The following PALM2AKAP2 variants were observed in gnomAD, a reference collection of about 807,000 sequenced individuals.
PALM2AKAP2 encodes PALM2-AKAP2 fusion protein.
A neutral mutation model predicts 71.5 loss-of-function variants in PALM2AKAP2; 37 were observed. That is an observed-to-expected ratio of 0.52 (90% CI 0.40 to 0.68). The LOEUF (loss-of-function observed/expected upper bound fraction) is 0.68, where lower values mean the gene tolerates loss of function less well. Ranked by LOEUF, PALM2AKAP2 falls within the 30% of genes least tolerant of loss-of-function variation. The pLI, the probability that PALM2AKAP2 is intolerant of heterozygous loss-of-function variation, is 0.00. For synonymous variants in PALM2AKAP2, 468 were observed against 478.8 expected (o/e 0.98, Z 0.29); for missense variants, 1,224 against 1,191.8 (o/e 1.03, Z -0.40).
At chr9:110,135,164 A>AAAAAAAAAAAAATATATAT in intron 1 of PALM2AKAP2, among the ~76,000 whole-genome samples, 6 of 51,740 alleles carry the variant, frequency 1.2e-4, no homozygotes, top group African/African-American at 2.9e-4. Flanking sequence ...AAAAAAAAAA[A>AAAAAAAAAAAAATATATAT]ATATATAAAT....
At chr9:109,942,601 CTT>C in intron 6 of PALM2AKAP2, 2 of 1,434,178 alleles carry the variant, frequency 1.4e-6, no homozygotes, top group Non-Finnish European at 1.9e-6. Context: ...GGCACAAAAC[CTT>C]TTTTTTTGTC....
At chr9:109,923,896 T>C (rs1177088345) in intron 4 of PALM2AKAP2, 47 bp downstream of exon 4, 1 of 1,501,120 alleles carries the variant, frequency 6.7e-7, no homozygotes. Context: ...CATGGGGAAG[T>C]AGGGCCTAGC....
chr9:110,136,102 G>T, intron 1 of PALM2AKAP2, 25 bp from the exon 8 acceptor site: 2 of 1,536,904 alleles, frequency 1.3e-6, no homozygotes, highest in South Asian at 2.6e-5. Context: ...ATTTAACCCT[G>T]ACTTTTGTTT....
chr9:109,745,024 C>A (rs1587891672), intron 1 of PALM2AKAP2, among the ~76,000 whole-genome samples: 2 of 152,154 alleles, frequency 1.3e-5, no homozygotes, highest in South Asian at 4.1e-4. Flanking sequence ...GCCCAGGCAC[C>A]AAGCAACTTT....
chr9:109,819,370 A>G (rs1480978883), intron 1 of PALM2AKAP2, among the ~76,000 whole-genome samples: 1 of 152,176 alleles, frequency 6.6e-6, no homozygotes, highest in Non-Finnish European at 1.5e-5. Flanking sequence ...AAGTTGAAAG[A>G]CCCAAATTGA....
At chr9:109,787,729 A>G (rs1035120416) in intron 1 of PALM2AKAP2, among the ~76,000 whole-genome samples, 4 of 152,354 alleles carry the variant, frequency 2.6e-5, no homozygotes, top group East Asian at 1.9e-4. Context: ...GATTTTTAAC[A>G]TGTGAGATCT....
chr9:110,035,915 T>C (rs1160785935), intron 7 of PALM2AKAP2, among the ~76,000 whole-genome samples: 1 of 150,794 alleles, frequency 6.6e-6, no homozygotes. Context: ...ATATATATGA[T>C]ATATATATTG....
chr9:110,057,765 C>T (rs1260541903), intron 1 of PALM2AKAP2, among the ~76,000 whole-genome samples: 3 of 152,148 alleles, frequency 2.0e-5, no homozygotes, highest in Non-Finnish European at 2.9e-5. Flanking sequence ...CATCCAGGAG[C>T]GTGTTAAAAC....
intron 1 of PALM2AKAP2, among the ~76,000 whole-genome samples, chr9:109,734,443 A>G (rs909338767): frequency 6.6e-6 from 1 of 152,232 alleles, no homozygotes; most frequent in Non-Finnish European, 1.5e-5. Context: ...ATTAAATAAT[A>G]TTAAAATTCA....
intron 5 of PALM2AKAP2, among the ~76,000 whole-genome samples, chr9:109,926,271 T>C (rs1001357363): frequency 6.6e-6 from 1 of 152,196 alleles, no homozygotes; most frequent in African/African-American, 2.4e-5. Context: ...AACAAACCTG[T>C]GATTTTTAAT....
At chr9:109,935,777 A>G (rs972981202) in intron 6 of PALM2AKAP2, among the ~76,000 whole-genome samples, 6 of 152,202 alleles carry the variant, frequency 3.9e-5, no homozygotes, top group African/African-American at 1.2e-4. Context: ...GACAAATTCA[A>G]CAAGGGAACT....
chr9:109,875,493 C>T (rs1433472970), intron 2 of PALM2AKAP2, among the ~76,000 whole-genome samples: 1 of 152,170 alleles, frequency 6.6e-6, no homozygotes, highest in Admixed American at 6.5e-5. Context: ...GCCACTGCTC[C>T]TGAGTTGGGG....
intron 1 of PALM2AKAP2, among the ~76,000 whole-genome samples, chr9:109,770,145 G>A (rs1162556512): frequency 6.6e-6 from 1 of 152,188 alleles, no homozygotes; most frequent in African/African-American, 2.4e-5. Flanking sequence ...GGCTGGGTCG[G>A]AGTTGGCCAG....
At chr9:109,684,363 AG>A (rs2118527117) in intron 1 of PALM2AKAP2, among the ~76,000 whole-genome samples, 1 of 152,288 alleles carries the variant, frequency 6.6e-6, no homozygotes, top group South Asian at 2.1e-4. Flanking sequence ...GCCCCACTCT[AG>A]ACCCCTCTGA....
intron 7 of PALM2AKAP2, among the ~76,000 whole-genome samples, chr9:110,031,636 G>A (rs1167865520): frequency 6.6e-6 from 1 of 152,128 alleles, no homozygotes; most frequent in Non-Finnish European, 1.5e-5. Flanking sequence ...GAGAAAACAA[G>A]GTGCAGAGAG....
At chr9:110,023,359 G>C (rs1335350656) in intron 7 of PALM2AKAP2, among the ~76,000 whole-genome samples, 1 of 129,228 alleles carries the variant, frequency 7.7e-6, no homozygotes, top group African/African-American at 3.1e-5. Context: ...TTGTCACCCA[G>C]GCTGGAGTGC....
At chr9:109,755,045 C>T (rs370567012) in intron 1 of PALM2AKAP2, among the ~76,000 whole-genome samples, 1 of 152,156 alleles carries the variant, frequency 6.6e-6, no homozygotes, top group Non-Finnish European at 1.5e-5. Flanking sequence ...TCCTTAGAAC[C>T]TCCACCTCTG....
At chr9:109,957,987 C>T (rs990665043) in intron 6 of PALM2AKAP2, among the ~76,000 whole-genome samples, 5 of 152,152 alleles carry the variant, frequency 3.3e-5, no homozygotes, top group Non-Finnish European at 5.9e-5. Context: ...TGTCATTGGC[C>T]AGCTGAGTAA....
At position 109,800,000 on chromosome 9, in the gene PALM2AKAP2, T is replaced by C. The variant is rs115051075; in HGVS notation, c.45+19467T>C. Reference sequence around the variant, plus strand: ...GGGTGACTCAGACTATAAGCTTATTTTTAGGGAAAGCTAAGAATTCAGTCA... The same window carrying C: ...GGGTGACTCAGACTATAAGCTTATTCTTAGGGAAAGCTAAGAATTCAGTCA... On this transcript the variant is annotated intron_variant, in intron 1 of 9. Coordinates refer to the PALM2AKAP2 transcript ENST00000302798. Among the ~76,000 whole-genome samples the C allele has an allele frequency of 5.1e-3, 783 of 152,238 alleles. 10 individuals are homozygous for C. The highest frequency in any genetic ancestry group is 0.018 in the African/African-American group (753 of 41,546).
Sources: allele counts gnomAD v4.1 joint callset (sites outside exome capture counted in the v4.1 genomes callset), GRCh38; gene constraint gnomAD v4.1.1; transcripts MANE v1.5; gene names NCBI Gene and HGNC (gene_info 2026-07-23, HGNC 2026-07-21).